Variants in SLC7A9 observed in about 807,000 individuals in gnomAD.
The protein encoded by SLC7A9 is B(0,+)-type amino acid transporter 1.
Under a neutral mutation model 54.1 loss-of-function variants are expected in SLC7A9, and 38 were observed. The observed-to-expected ratio is 0.70, with a 90% CI of 0.54 to 0.92. SLC7A9 has a LOEUF of 0.92. Ranked by LOEUF, SLC7A9 falls within the 40% of genes least tolerant of loss-of-function variation. SLC7A9 has a pLI of 0.00. For missense variants in SLC7A9, 537 were observed against 636.1 expected, an observed-to-expected ratio of 0.84 and a Z score of 1.68; for synonymous variants, 264 against 258.9, an observed-to-expected ratio of 1.02 and a Z score of -0.19.
chr19:32,861,245 C>G (rs1043785069), intron 6 of SLC7A9, among the ~76,000 whole-genome samples: 1 of 151,824 alleles, frequency 6.6e-6, no homozygotes, highest in Non-Finnish European at 1.5e-5. Flanking sequence ...AGGAGAATTG[C>G]TTGAACCTGG....
At chr19:32,838,256 T>A (rs1221883549) in intron 11 of SLC7A9, among the ~76,000 whole-genome samples, 1 of 152,114 alleles carries the variant, frequency 6.6e-6, no homozygotes, top group South Asian at 2.1e-4. Flanking sequence ...TTTGTTTAAA[T>A]GTTAAATTTT....
chr19:32,842,351 A>G lies in SLC7A9; in HGVS notation c.1075-34T>C, dbSNP rs181053162. The G allele has an allele frequency of 5.8e-4, 909 of 1,580,112 alleles. 1 individual carries two copies. Among genetic ancestry groups the G allele is most frequent in the Non-Finnish European group, 7.3e-4 (842 of 1,150,452 alleles). ...AAGAAGAATGGATTTGTAGGTCATTACTACAAAACACTGTTCTCATGTCAC... is the reference window on the plus strand; with the variant it reads ...AAGAAGAATGGATTTGTAGGTCATTGCTACAAAACACTGTTCTCATGTCAC... On this transcript the variant is annotated intron_variant, in intron 10 of 12. Transcript: ENST00000023064.
At chr19:32,855,715 G>GA (rs1341831169) in intron 9 of SLC7A9, among the ~76,000 whole-genome samples, 11 of 150,510 alleles carry the variant, frequency 7.3e-5, no homozygotes, top group African/African-American at 2.7e-4. Flanking sequence ...AAAAAAAATA[G>GA]AAAAATGCAA....
At chr19:32,849,240 C>G (rs893850436) in intron 9 of SLC7A9, among the ~76,000 whole-genome samples, 22 of 152,204 alleles carry the variant, frequency 1.4e-4, no homozygotes, top group African/African-American at 5.3e-4. Flanking sequence ...ATTAATGAAT[C>G]CAGGAGCTGG....
intron 2 of SLC7A9, among the ~76,000 whole-genome samples, chr19:32,868,067 C>A: frequency 6.6e-6 from 1 of 151,560 alleles, no homozygotes; most frequent in Non-Finnish European, 1.5e-5. Flanking sequence ...CCTGTCTCTA[C>A]TAAAAATACA....
intron 2 of SLC7A9, among the ~76,000 whole-genome samples, chr19:32,867,251 C>T (rs2145851144): frequency 6.6e-6 from 1 of 152,340 alleles, no homozygotes; most frequent in East Asian, 1.9e-4. Flanking sequence ...CCTATAATCC[C>T]AGCACTTTGG....
chr19:32,842,177 C>A lies in SLC7A9; in HGVS notation c.1215G>T (p.Arg405Ser). The change falls in exon 11 of 13, where the codon AGG becomes AGT. Residue 405 changes from arginine (R) to serine (S), a missense_variant. By Grantham distance (110) the Arg-to-Ser change is moderately radical. Coordinates refer to ENST00000023064, the MANE Select transcript of SLC7A9 (RefSeq NM_014270.5). ...VMRFTRKELE[R>S]PIKVPVVIPV... ...GGGGCTGCAAGCTTACCTTGATAGG[C>A]CTTTCCAGCTCTTTCCTTGTAAATC... The A allele has an allele frequency of 1.2e-6, 2 of 1,614,166 alleles. No individual in the cohort carries two copies. Among genetic ancestry groups the A allele is most frequent in the African/African-American group, 2.7e-5 (2 of 75,050 alleles).
At chr19:32,838,996 TA>T (rs1968052665) in intron 11 of SLC7A9, among the ~76,000 whole-genome samples, 1 of 152,134 alleles carries the variant, frequency 6.6e-6, no homozygotes, top group African/African-American at 2.4e-5. Flanking sequence ...TGAAGTTAGC[TA>T]GGTGTTCTCT....
intron 9 of SLC7A9, among the ~76,000 whole-genome samples, chr19:32,847,554 G>A (rs1228802574): frequency 5.9e-5 from 9 of 152,142 alleles, no homozygotes; most frequent in South Asian, 2.1e-4. Flanking sequence ...CCAAATCTAC[G>A]TCTGATTGGT....
chr19:32,831,198 CAA>C (rs764102535), intron 12 of SLC7A9: 84 of 92,342 alleles, frequency 9.1e-4, no homozygotes, highest in South Asian at 3.4e-3. Flanking sequence ...ACTAAAAATA[CAA>C]AAAAAAAAAA....
At chr19:32,857,673 CG>C (rs1306010316) in intron 9 of SLC7A9, among the ~76,000 whole-genome samples, 1 of 152,128 alleles carries the variant, frequency 6.6e-6, no homozygotes, top group Non-Finnish European at 1.5e-5. Flanking sequence ...AGCCAAGACA[CG>C]TGTTCGAGGA....
At chr19:32,841,252 GT>G (rs965405305) in intron 11 of SLC7A9, among the ~76,000 whole-genome samples, 1 of 152,044 alleles carries the variant, frequency 6.6e-6, no homozygotes, top group East Asian at 1.9e-4. Flanking sequence ...TAAATAGCAG[GT>G]TTTTTTTAAA....
chr19:32,843,893 C>T lies in SLC7A9; in HGVS notation c.1036G>A (p.Val346Ile), dbSNP rs780778962. 5.9e-5 allele frequency: 95 copies of T among 1,613,790 alleles called. No individual in the cohort carries two copies. In the South Asian group the frequency reaches 6.7e-4, roughly 11 times the overall value. ...HMLKVLSYIS[V>I]RRLTPAPAII... ...GCGGGGGCTGGAGTGAGGCGCCTGA[C>T]GCTGATGTAAGAAAGCACTTTGAGC... The change falls in exon 10 of 13, where the codon GTC becomes ATC. Residue 346 changes from valine to isoleucine, a missense_variant. Physicochemically the swap from Val to Ile is conservative, Grantham distance 29 (BLOSUM62 3). Coordinates refer to ENST00000023064, the MANE Select transcript of SLC7A9 (RefSeq NM_014270.5).
rs1217197928 is a variant in SLC7A9, at chr19:32,864,750, G to C, written c.114C>G (p.Ile38Met). Residue 38 changes from isoleucine to methionine, a missense_variant, in exon 3 of 13, where the codon ATC becomes ATG. Transcript: ENST00000023064. Reference sequence around the variant, plus strand: ...CAGAGCCAATGATGGTGCCCACGATGATGGAGATGCCACTGATGAGGCCCA... The same window carrying C: ...CAGAGCCAATGATGGTGCCCACGATCATGGAGATGCCACTGATGAGGCCCA... ...KELGLISGIS[I>M]IVGTIIGSGI... 6.2e-7 allele frequency: 1 copy of C among 1,614,106 alleles called. No individual in the cohort carries two copies. The highest frequency in any genetic ancestry group is 8.5e-7 in the Non-Finnish European group (1 of 1,180,046).
intron 9 of SLC7A9, among the ~76,000 whole-genome samples, chr19:32,846,972 G>A (rs1378804507): frequency 6.6e-6 from 1 of 152,174 alleles, no homozygotes; most frequent in Non-Finnish European, 1.5e-5. Context: ...TGCAGCTGAG[G>A]GTCCTGTCTG....
At chr19:32,859,723 C>T in intron 8 of SLC7A9, 118 bp downstream of exon 8, 1 of 930,648 alleles carries the variant, frequency 1.1e-6, no homozygotes, top group Admixed American at 1.8e-5. Context: ...CAGTCCATGT[C>T]CCCGTCCGTG....
At chr19:32,868,812 C>A (rs1057428619) in intron 1 of SLC7A9, among the ~76,000 whole-genome samples, 167 bp from the exon 2 acceptor site, 3 of 152,194 alleles carry the variant, frequency 2.0e-5, no homozygotes, top group Non-Finnish European at 4.4e-5. Flanking sequence ...AGCTCTCTCC[C>A]AGACAGGCCC....
At chr19:32,860,862 G>A (rs1172907225) in intron 6 of SLC7A9, among the ~76,000 whole-genome samples, 2 of 152,208 alleles carry the variant, frequency 1.3e-5, no homozygotes, top group African/African-American at 4.8e-5. Context: ...TCAGCTGGTT[G>A]AGCCTTTGCC....
At chr19:32,833,404 G>T in intron 11 of SLC7A9, 81 bp from the exon 12 acceptor site, 1 of 1,259,112 alleles carries the variant, frequency 7.9e-7, no homozygotes, top group Non-Finnish European at 1.1e-6. Flanking sequence ...TATAAAAAGA[G>T]TATGAACTCC....
Sources: allele counts gnomAD v4.1 joint callset (sites outside exome capture counted in the v4.1 genomes callset), GRCh38; gene constraint gnomAD v4.1.1; transcripts MANE v1.5; gene names NCBI Gene and HGNC (gene_info 2026-07-23, HGNC 2026-07-21).